The following ASTN2 variants were observed in gnomAD, a reference collection of about 807,000 sequenced individuals.
ASTN2 encodes the protein astrotactin-2.
A neutral mutation model predicts 139.8 loss-of-function variants in ASTN2; 54 were observed. The ratio of observed to expected loss-of-function variants is 0.39; its 90% CI spans 0.31 to 0.48. ASTN2 has a LOEUF of 0.48. Among genes scored for constraint, ASTN2 ranks in the 20% least tolerant of loss-of-function variants. The probability of loss-of-function intolerance (pLI) is 0.95; values close to 1 mark genes in which losing one functional copy is unlikely to be tolerated. For missense variants in ASTN2, 1,565 were observed against 1,725.1 expected (o/e 0.91, Z 1.64); for synonymous variants, 756 against 719.5 (o/e 1.05, Z -0.81).
intron 19 of ASTN2, among the ~76,000 whole-genome samples, chr9:116,553,305 A>C (rs932531726): frequency 6.6e-6 from 1 of 152,134 alleles, no homozygotes; most frequent in African/African-American, 2.4e-5. Flanking sequence ...AAAAGGTGCA[A>C]CTTTAGATGT....
intron 2 of ASTN2, among the ~76,000 whole-genome samples, chr9:117,240,590 G>A (rs948125659): frequency 3.3e-5 from 5 of 152,172 alleles, no homozygotes; most frequent in African/African-American, 1.2e-4. Flanking sequence ...CAGACGGTGA[G>A]AATAATTAAG....
At chr9:116,965,904 C>T (rs558424700) in intron 10 of ASTN2, among the ~76,000 whole-genome samples, 1 of 152,294 alleles carries the variant, frequency 6.6e-6, no homozygotes, top group Admixed American at 6.5e-5. Flanking sequence ...ATGTCAGCTT[C>T]CTCATCTGTG....
At chr9:116,565,388 C>CATATATATATAT (rs1164878126) in intron 19 of ASTN2, among the ~76,000 whole-genome samples, 4 of 34,012 alleles carry the variant, frequency 1.2e-4, no homozygotes, top group Admixed American at 5.1e-4. Context: ...TCTCTCTCTC[C>CATATATATATAT]ATATATATAT....
chr9:116,924,632 T>C (rs548194446), intron 10 of ASTN2, among the ~76,000 whole-genome samples: 2 of 152,274 alleles, frequency 1.3e-5, no homozygotes, highest in Admixed American at 1.3e-4. Context: ...GGTAACTTTC[T>C]GACGTTGCCA....
At chr9:116,536,073 C>G (rs1016351835) in intron 19 of ASTN2, among the ~76,000 whole-genome samples, 3 of 151,898 alleles carry the variant, frequency 2.0e-5, no homozygotes, top group African/African-American at 7.3e-5. Context: ...TCTCTTTTCT[C>G]TAAACTTCTC....
chr9:117,033,263 G>A (rs570503045), intron 6 of ASTN2, among the ~76,000 whole-genome samples: 1 of 152,172 alleles, frequency 6.6e-6, no homozygotes, highest in South Asian at 2.1e-4. Flanking sequence ...TTGTAAAAAT[G>A]TGGTCATCTA....
At chr9:117,040,793 C>T (rs915147763) in intron 5 of ASTN2, among the ~76,000 whole-genome samples, 1 of 152,170 alleles carries the variant, frequency 6.6e-6, no homozygotes, top group African/African-American at 2.4e-5. Flanking sequence ...AAATATCTCA[C>T]AGGGTTCTTG....
At chr9:116,829,252 A>G (rs1588328793) in intron 11 of ASTN2, among the ~76,000 whole-genome samples, 2 of 151,540 alleles carry the variant, frequency 1.3e-5, no homozygotes, top group African/African-American at 4.9e-5. Context: ...ATCTGACTTC[A>G]AATTATAGTA....
chr9:116,987,732 G>A (rs188837512), intron 7 of ASTN2, among the ~76,000 whole-genome samples: 30 of 152,270 alleles, frequency 2.0e-4, no homozygotes, highest in South Asian at 1.7e-3. Context: ...CACAGCAAGA[G>A]ATTAAGAACA....
At chr9:117,344,694 TCATC>T (rs1395747856) in intron 1 of ASTN2, among the ~76,000 whole-genome samples, 3 of 152,184 alleles carry the variant, frequency 2.0e-5, no homozygotes, top group African/African-American at 4.8e-5. Flanking sequence ...TTTCATTTCT[TCATC>T]CTTGAGCCTA....
intron 5 of ASTN2, among the ~76,000 whole-genome samples, chr9:117,071,556 G>A (rs892749503): frequency 4.0e-5 from 6 of 150,856 alleles, no homozygotes; most frequent in African/African-American, 1.5e-4. Flanking sequence ...GAGCTTCCCA[G>A]CTGCTTTGTT....
intron 12 of ASTN2, among the ~76,000 whole-genome samples, chr9:116,819,250 A>C (rs1831416285): frequency 6.6e-6 from 1 of 152,210 alleles, no homozygotes; most frequent in Non-Finnish European, 1.5e-5. Context: ...AAAAATAACA[A>C]TGACAAGAAC....
intron 5 of ASTN2, among the ~76,000 whole-genome samples, chr9:117,064,601 T>C (rs756638033): frequency 1.2e-4 from 18 of 151,966 alleles, no homozygotes; most frequent in Non-Finnish European, 2.1e-4. Context: ...AGCTAAACAA[T>C]GTGTACCCAT....
At position 117,189,747 on chromosome 9, in the gene ASTN2, C is replaced by T. The variant is rs184403930; in HGVS notation, c.1015+24611G>A. Reference sequence around the variant, plus strand: ...GGCATCTTAACTACTTTATCCTCTGCTGTCAAAGTTCTTAAAGGTCTCTTG... The same window carrying T: ...GGCATCTTAACTACTTTATCCTCTGTTGTCAAAGTTCTTAAAGGTCTCTTG... On this transcript the variant is annotated intron_variant, in intron 3 of 22. Coordinates refer to ENST00000313400, the MANE Select transcript of ASTN2 (RefSeq NM_001365068.1). Among the ~76,000 whole-genome samples, 370 of 152,280 alleles carry T rather than the reference C, an allele frequency of 2.4e-3. 2 individuals are homozygous for T. The highest frequency in any genetic ancestry group is 8.6e-3 in the African/African-American group (356 of 41,544).
intron 16 of ASTN2, among the ~76,000 whole-genome samples, chr9:116,666,798 C>A (rs1446408242): frequency 6.6e-6 from 1 of 151,986 alleles, no homozygotes; most frequent in African/African-American, 2.4e-5. Context: ...TTAGCTAAAT[C>A]TGTAATTTGA....
intron 1 of ASTN2, among the ~76,000 whole-genome samples, chr9:117,405,546 C>T (rs963109391): frequency 3.3e-5 from 5 of 152,194 alleles, no homozygotes; most frequent in African/African-American, 1.2e-4. Flanking sequence ...GGAATTCCAA[C>T]TCCTCCTGTC....
chr9:117,253,534 G>C (rs1458927493), intron 2 of ASTN2, among the ~76,000 whole-genome samples: 1 of 152,016 alleles, frequency 6.6e-6, no homozygotes, highest in Non-Finnish European at 1.5e-5. Flanking sequence ...AAAAGCAAGG[G>C]AGGGACATCC....
rs1828303432 is a variant in ASTN2 at position 117,077,164 on chromosome 9, C to T, written c.1276+18880G>A. Among the ~76,000 whole-genome samples, 7 of 152,180 alleles carry T rather than the reference C, an allele frequency of 4.6e-5. No homozygotes were observed. In the South Asian group the frequency reaches 1.5e-3, roughly 32 times the overall value. On this transcript the variant is annotated intron_variant, in intron 5 of 22. Coordinates refer to ENST00000313400, the MANE Select transcript of ASTN2 (RefSeq NM_001365068.1). ...GGAGGAAACAAGGGACAGACACAAT[C>T]AATATGAACCAGGCTTGGGCTCTGC...
At chr9:116,614,146 C>A (rs992529426) in intron 19 of ASTN2, among the ~76,000 whole-genome samples, 1 of 152,084 alleles carries the variant, frequency 6.6e-6, no homozygotes. Context: ...AATAAAATAC[C>A]TAGGAATCCA....
Sources: gnomAD v4.1 joint callset for allele counts (sites outside exome capture counted in the v4.1 genomes callset) on GRCh38, gnomAD v4.1.1 for gene constraint, MANE v1.5 for transcripts, NCBI Gene and HGNC (gene_info 2026-07-23, HGNC 2026-07-21) for gene names.